PARD3: variants seen among roughly 807,000 people sequenced by gnomAD.
The protein encoded by PARD3 is partitioning defective 3 homolog.
PARD3 carries 75 observed loss-of-function variants against 155.4 expected under a neutral mutation model. That is an observed-to-expected ratio of 0.48 (90% CI 0.40 to 0.58). PARD3 has a LOEUF of 0.58. Among genes scored for constraint, PARD3 ranks in the 20% least tolerant of loss-of-function variants. The pLI, the probability that PARD3 is intolerant of heterozygous loss-of-function variation, is 0.00. For missense variants in PARD3, 1,642 were observed against 1,721.7 expected (o/e 0.95, Z 0.82); for synonymous variants, 576 against 610.5 (o/e 0.94, Z 0.83).
Position 34,595,431 on chromosome 10 carries a change from C to T in PARD3, c.223-78272G>A, listed in dbSNP as rs570362376. ...TACTTAAAACTAGAACTTAAGTCTA[C>T]TATAAAATGTGACTACATTCCATAA... is the stretch of plus-strand genomic sequence containing the variant. On this transcript the variant is annotated intron_variant, in intron 2 of 24. Coordinates refer to ENST00000374788, the MANE Select transcript of PARD3 (RefSeq NM_001184785.2). Among the ~76,000 whole-genome samples the T allele has an allele frequency of 1.2e-4, 19 of 152,306 alleles. No homozygotes were observed. In the South Asian group the frequency reaches 3.7e-3, roughly 30 times the overall value.
intron 1 of PARD3, among the ~76,000 whole-genome samples, chr10:34,720,530 G>C (rs2094589289): frequency 6.6e-6 from 1 of 150,552 alleles, no homozygotes; most frequent in Admixed American, 6.6e-5. Flanking sequence ...AGGTGCATTG[G>C]CTCAGGCCTA....
intron 10 of PARD3, among the ~76,000 whole-genome samples, chr10:34,376,902 T>TA (rs932644686): frequency 1.1e-4 from 16 of 152,198 alleles, no homozygotes; most frequent in East Asian, 3.9e-4. Context: ...ATATTTTCTT[T>TA]AAAAAAAACT....
chr10:34,315,493 G>A (rs1285275718), intron 20 of PARD3, among the ~76,000 whole-genome samples: 2 of 152,212 alleles, frequency 1.3e-5, no homozygotes, highest in African/African-American at 4.8e-5. Context: ...GACGTCAGGA[G>A]AGCCCCTGGA....
chr10:34,566,400 T>C (rs1199514179), intron 2 of PARD3, among the ~76,000 whole-genome samples: 1 of 152,198 alleles, frequency 6.6e-6, no homozygotes, highest in African/African-American at 2.4e-5. Flanking sequence ...TGAGATCACA[T>C]TCATAACTTG....
Position 34,450,371 on chromosome 10 carries a change from C to A in PARD3, c.660G>T (p.Ser220=). The A allele has an allele frequency of 6.2e-7, 1 of 1,613,928 alleles. No individual in the cohort carries two copies. Among genetic ancestry groups the A allele is most frequent in the Non-Finnish European group, 8.5e-7 (1 of 1,179,876 alleles). ...CCATTGGGTGACTGGCACTCAGAGA[C>A]GAGCGAGCATTGTCTCTCTGAAATT... ...SNQFQRDNAR[S]SLSASHPMVG... Residue 220 remains serine (S), a synonymous_variant, in exon 5 of 25, where the codon TCG becomes TCT. Coordinates refer to ENST00000374788, the MANE Select transcript of PARD3 (RefSeq NM_001184785.2).
In PARD3 at chr10:34,725,105, TTGTGTGTGTGTGTG is replaced by T. The variant is rs71033342; in HGVS notation, c.121-28700_121-28687del. On this transcript the variant is annotated intron_variant, in intron 1 of 24. Coordinates refer to ENST00000374788, the MANE Select transcript of PARD3 (RefSeq NM_001184785.2). ...TAAAAGGATTGAATGAGTCAAAACT[TTGTGTGTGTGTGTG>T]TGTGTGTGTGTGTGTGTGTGTGTGT... 1.8e-4 allele frequency among the ~76,000 whole-genome samples: 24 copies of T among 135,878 alleles called. No homozygotes were observed. In the East Asian group the frequency reaches 1.8e-3, roughly 10 times the overall value. The allele number at this position is 135,878 out of a possible 152,430, so 89.1% of individuals were successfully genotyped here. A position where few individuals can be genotyped will look rare whatever the true frequency, so the allele number is the denominator to read the frequency against.
At position 34,732,219 on chromosome 10, in the gene PARD3, A is replaced by G. The variant is rs74134404; in HGVS notation, c.121-35800T>C. Among the ~76,000 whole-genome samples the G allele has an allele frequency of 8.6e-3, 1,312 of 152,342 alleles. 22 individuals are homozygous for G. The highest frequency in any genetic ancestry group is 0.03 in the African/African-American group (1,257 of 41,578). Reference sequence around the variant, plus strand: ...TTCTGAAAACATTAAACTACAAAACAGTCACATTAACAAAAGTACAGCTAA... The same window carrying G: ...TTCTGAAAACATTAAACTACAAAACGGTCACATTAACAAAAGTACAGCTAA... On this transcript the variant is annotated intron_variant, in intron 1 of 24. Transcript: ENST00000374788.
At chr10:34,351,642 G>A (rs1477217941) in intron 14 of PARD3, among the ~76,000 whole-genome samples, 1 of 152,198 alleles carries the variant, frequency 6.6e-6, no homozygotes, top group Non-Finnish European at 1.5e-5. Flanking sequence ...CCAGAAATGT[G>A]AGGTGAGCTC....
chr10:34,725,876 C>G (rs2094699904), intron 1 of PARD3, among the ~76,000 whole-genome samples: 1 of 152,152 alleles, frequency 6.6e-6, no homozygotes, highest in African/African-American at 2.4e-5. Flanking sequence ...TTGCTGTGGA[C>G]TAGTTCTACT....
chr10:34,621,883 ATAAAG>A lies in PARD3; in HGVS notation c.222+74430_222+74434del, dbSNP rs149917456. 7.1e-3 allele frequency among the ~76,000 whole-genome samples: 1,083 copies of A among 152,370 alleles called. 11 individuals are homozygous for A. The highest frequency in any genetic ancestry group is 0.025 in the African/African-American group (1,041 of 41,584). ...ATTATTTCACATAAAATGTATTTTG[ATAAAG>A]TAAATTCCCAAACCATGGTGCTCAG... On this transcript the variant is annotated intron_variant, in intron 2 of 24. Coordinates refer to ENST00000374788, the MANE Select transcript of PARD3 (RefSeq NM_001184785.2).
At chr10:34,186,397 G>A (rs1950498551) in intron 22 of PARD3, among the ~76,000 whole-genome samples, 1 of 150,498 alleles carries the variant, frequency 6.6e-6, no homozygotes, top group East Asian at 2.0e-4. Flanking sequence ...CTGCCTCCAG[G>A]ATGCTCCCCA....
At chr10:34,309,548 CAAAAAAAAAAAAAAAA>C (rs1173904388) in intron 20 of PARD3, among the ~76,000 whole-genome samples, 45 of 64,030 alleles carry the variant, frequency 7.0e-4, no homozygotes, top group Admixed American at 4.8e-3. Context: ...ACCCTGTCTC[CAAAAAAAAAAAAAAAA>C]AAAAAAAAAA....
intron 2 of PARD3, among the ~76,000 whole-genome samples, chr10:34,641,380 T>A (rs1457108561): frequency 1.3e-5 from 2 of 152,180 alleles, no homozygotes; most frequent in Admixed American, 1.3e-4. Flanking sequence ...GGGCTTGGCC[T>A]ATCTTTGCTT....
chr10:34,386,193 G>A (rs529881193), intron 7 of PARD3, among the ~76,000 whole-genome samples: 23 of 152,086 alleles, frequency 1.5e-4, no homozygotes, highest in East Asian at 5.8e-4. Flanking sequence ...TAATTTTAGC[G>A]TTGAGAATCA....
chr10:34,627,554 C>T (rs1432365659), intron 2 of PARD3, among the ~76,000 whole-genome samples: 1 of 152,188 alleles, frequency 6.6e-6, no homozygotes, highest in East Asian at 1.9e-4. Flanking sequence ...AGGGAAGATG[C>T]TGTGCAGACA....
chr10:34,550,373 G>A (rs368991495), intron 2 of PARD3, among the ~76,000 whole-genome samples: 9 of 152,096 alleles, frequency 5.9e-5, no homozygotes, highest in African/African-American at 1.7e-4. Context: ...CACCACACCC[G>A]GCTAATTTTT....
At chr10:34,288,586 A>G (rs947142421) in intron 20 of PARD3, among the ~76,000 whole-genome samples, 2 of 152,234 alleles carry the variant, frequency 1.3e-5, no homozygotes, top group African/African-American at 4.8e-5. Flanking sequence ...TCACCTATAC[A>G]TATACTCGCA....
intron 12 of PARD3, among the ~76,000 whole-genome samples, chr10:34,371,130 C>A (rs1205386791): frequency 6.6e-6 from 1 of 151,932 alleles, no homozygotes; most frequent in East Asian, 1.9e-4. Context: ...TATATATACT[C>A]TGCCACAATT....
chr10:34,620,539 G>T lies in PARD3; in HGVS notation c.222+75779C>A, dbSNP rs147465036. Among the ~76,000 whole-genome samples the T allele has an allele frequency of 6.6e-4, 100 of 152,330 alleles. 1 individual carries two copies. In the East Asian group the frequency reaches 0.014, roughly 21 times the overall value. ...TATTAAAAAGACAATCAAAGGAAAC[G>T]ACGAGGCTGTTTGATGAACAAAACA... On this transcript the variant is annotated intron_variant, in intron 2 of 24. Coordinates refer to ENST00000374788, the MANE Select transcript of PARD3 (RefSeq NM_001184785.2).
Sources: gnomAD v4.1 joint callset for allele counts (sites outside exome capture counted in the v4.1 genomes callset) on GRCh38, gnomAD v4.1.1 for gene constraint, MANE v1.5 for transcripts, NCBI Gene and HGNC (gene_info 2026-07-23, HGNC 2026-07-21) for gene names.